The following GLCE variants were observed in gnomAD, a reference collection of about 807,000 sequenced individuals.
GLCE encodes the protein D-glucuronyl C5-epimerase.
A neutral mutation model predicts 47.9 loss-of-function variants in GLCE; 19 were observed. That is an observed-to-expected ratio of 0.40 (90% CI 0.28 to 0.58). The LOEUF (loss-of-function observed/expected upper bound fraction) is 0.58, where lower values mean the gene tolerates loss of function less well. Ranked by LOEUF, GLCE falls within the 20% of genes least tolerant of loss-of-function variation. GLCE has a pLI of 0.48. For missense variants in GLCE, 556 were observed against 743.3 expected, an observed-to-expected ratio of 0.75 and a Z score of 2.93; for synonymous variants, 245 against 263.4, an observed-to-expected ratio of 0.93 and a Z score of 0.68.
rs57452657 is a variant in GLCE at position 69,260,252 on chromosome 15, G to GCT, written c.587-835_587-834insCT. ...ATTTTAAATTGCCAAGTCACAACTG[G>GCT]TTTTTTTTTTTTTTTTTTTTTTTTT... On this transcript the variant is annotated intron_variant, in intron 3 of 4. Coordinates refer to ENST00000261858, the MANE Select transcript of GLCE (RefSeq NM_015554.3). 1.6e-3 allele frequency among the ~76,000 whole-genome samples: 125 copies of GCT among 79,252 alleles called. 7 individuals carry two copies. The highest frequency in any genetic ancestry group is 5.1e-3 in the African/African-American group (119 of 23,328). 52.0% of individuals were successfully genotyped at this position (79,252 alleles called of 152,430 possible). A position where few individuals can be genotyped will look rare whatever the true frequency, so the allele number is the denominator to read the frequency against.
intron 1 of GLCE, among the ~76,000 whole-genome samples, chr15:69,187,306 G>T (rs968064025): frequency 2.0e-5 from 3 of 151,972 alleles, no homozygotes; most frequent in African/African-American, 7.3e-5. Context: ...TTACATAAGA[G>T]ATACTATTAA....
At chr15:69,221,274 G>A (rs1389300817) in intron 2 of GLCE, among the ~76,000 whole-genome samples, 4 of 152,028 alleles carry the variant, frequency 2.6e-5, no homozygotes, top group Non-Finnish European at 5.9e-5. Context: ...TTCTATTTCC[G>A]TGAAAAACAT....
intron 4 of GLCE, among the ~76,000 whole-genome samples, chr15:69,265,713 A>G (rs1052873689): frequency 2.6e-5 from 4 of 152,340 alleles, no homozygotes; most frequent in African/African-American, 9.6e-5. Flanking sequence ...TGTAAATAAA[A>G]TTGTAATTCT....
At chr15:69,227,270 A>G (rs779601521) in intron 2 of GLCE, among the ~76,000 whole-genome samples, 4 of 152,316 alleles carry the variant, frequency 2.6e-5, no homozygotes, top group East Asian at 3.9e-4. Context: ...TATCCTGACT[A>G]ACTAATACCC....
chr15:69,266,061 G>A (rs76629039), intron 4 of GLCE, among the ~76,000 whole-genome samples: 2,529 of 152,274 alleles, frequency 0.017, 70 homozygotes, highest in African/African-American at 0.056. Context: ...TGCCAGATAA[G>A]ATGGATTTTT....
At chr15:69,206,393 A>G (rs1566955701) in intron 1 of GLCE, among the ~76,000 whole-genome samples, 1 of 152,032 alleles carries the variant, frequency 6.6e-6, no homozygotes, top group Admixed American at 6.6e-5. Context: ...TATATTCTTT[A>G]GAAATGAGTT....
intron 1 of GLCE, among the ~76,000 whole-genome samples, chr15:69,166,783 G>C (rs980993271): frequency 1.3e-5 from 2 of 151,638 alleles, no homozygotes; most frequent in African/African-American, 2.4e-5. Flanking sequence ...AGCCGGGCGT[G>C]GTGGCACACG....
rs757514764 is a variant in GLCE at position 69,268,236 on chromosome 15, A to G, written c.846A>G (p.Val282=). 3.1e-6 allele frequency: 5 copies of G among 1,604,054 alleles called. No individual in the cohort carries two copies. In the South Asian group the frequency reaches 3.4e-5, roughly 11 times the overall value. ...CCCCTACAGAAACCAGTGAAGGTGT[A>G]TCCTTGCAACTGGGAAACACAAAAG... ...QFIAPETSEG[V]SLQLGNTKDF... Residue 282 remains valine, a synonymous_variant, in exon 5 of 5, where the codon GTA becomes GTG. Transcript: ENST00000261858.
chr15:69,171,182 A>C (rs1178382765), intron 1 of GLCE, among the ~76,000 whole-genome samples: 2 of 152,168 alleles, frequency 1.3e-5, no homozygotes, highest in Non-Finnish European at 2.9e-5. Flanking sequence ...TTTAAAAACC[A>C]ATCACCCTCA....
intron 1 of GLCE, among the ~76,000 whole-genome samples, chr15:69,168,482 T>A (rs1383511769): frequency 6.6e-6 from 1 of 152,008 alleles, no homozygotes; most frequent in Non-Finnish European, 1.5e-5. Flanking sequence ...TCTTCTTTTC[T>A]TTCTTTCTTG....
At chr15:69,165,362 C>A (rs183564067) in intron 1 of GLCE, among the ~76,000 whole-genome samples, 1 of 152,274 alleles carries the variant, frequency 6.6e-6, no homozygotes, top group African/African-American at 2.4e-5. Context: ...TGTACTAATA[C>A]GAGCAGTTTA....
At chr15:69,221,988 G>A (rs2052383596) in intron 2 of GLCE, among the ~76,000 whole-genome samples, 1 of 152,038 alleles carries the variant, frequency 6.6e-6, no homozygotes, top group South Asian at 2.1e-4. Flanking sequence ...CTTCAAATGG[G>A]ACTTTTTGTT....
intron 2 of GLCE, among the ~76,000 whole-genome samples, chr15:69,230,925 C>G (rs2052512843): frequency 6.6e-6 from 1 of 152,176 alleles, no homozygotes; most frequent in Admixed American, 6.5e-5. Context: ...CATTTTCTAA[C>G]TCCTAGAGGC....
chr15:69,257,182 G>A (rs1490442925), intron 3 of GLCE, among the ~76,000 whole-genome samples: 1 of 152,064 alleles, frequency 6.6e-6, no homozygotes, highest in Non-Finnish European at 1.5e-5. Context: ...GTGACCATGT[G>A]GATGTTTTCA....
At chr15:69,173,314 G>C (rs1316687108) in intron 1 of GLCE, among the ~76,000 whole-genome samples, 1 of 152,148 alleles carries the variant, frequency 6.6e-6, no homozygotes, top group Non-Finnish European at 1.5e-5. Flanking sequence ...AGGTTGTTTA[G>C]CATGGAAGAA....
intron 2 of GLCE, among the ~76,000 whole-genome samples, chr15:69,230,357 A>C (rs2052506308): frequency 6.6e-6 from 1 of 152,248 alleles, no homozygotes; most frequent in South Asian, 2.1e-4. Context: ...ATAATATAAA[A>C]GGGGTCAGTT....
chr15:69,209,361 C>T (rs186493100), intron 1 of GLCE, among the ~76,000 whole-genome samples: 3 of 152,080 alleles, frequency 2.0e-5, no homozygotes, highest in Admixed American at 1.3e-4. Context: ...TGTTAGGAGA[C>T]GTTGGGTCTT....
At chr15:69,175,544 CTG>C (rs1566947127) in intron 1 of GLCE, among the ~76,000 whole-genome samples, 1 of 152,132 alleles carries the variant, frequency 6.6e-6, no homozygotes, top group Non-Finnish European at 1.5e-5. Flanking sequence ...AGAAGTATGT[CTG>C]TGACAACATC....
At chr15:69,242,740 G>T (rs2052688757) in intron 2 of GLCE, among the ~76,000 whole-genome samples, 1 of 151,844 alleles carries the variant, frequency 6.6e-6, no homozygotes, top group African/African-American at 2.4e-5. Context: ...CTAGTTTATG[G>T]TTGCTGAAGT....
Sources: allele counts gnomAD v4.1 joint callset (sites outside exome capture counted in the v4.1 genomes callset), GRCh38; gene constraint gnomAD v4.1.1; transcripts MANE v1.5; gene names NCBI Gene and HGNC (gene_info 2026-07-23, HGNC 2026-07-21).